TRIM37: variants seen among roughly 807,000 people sequenced by gnomAD.
The protein encoded by TRIM37 is tripartite motif containing 37, also known as E3 ubiquitin-protein ligase TRIM37.
A neutral mutation model predicts 129.8 loss-of-function variants in TRIM37; 80 were observed. The ratio of observed to expected loss-of-function variants is 0.62; its 90% CI spans 0.51 to 0.74. The LOEUF is 0.74. TRIM37 is among the 30% of genes least tolerant of loss of function. TRIM37 has a pLI of 0.00. For synonymous variants in TRIM37, 389 were observed against 387.1 expected (o/e 1.00, Z -0.06); for missense variants, 1,054 against 1,176.5 (o/e 0.90, Z 1.52).
intron 2 of TRIM37, among the ~76,000 whole-genome samples, chr17:59,093,831 G>A (rs2044618274): frequency 6.6e-6 from 1 of 152,042 alleles, no homozygotes. Flanking sequence ...CCTTTCCCAG[G>A]CTATAGTGAG....
At chr17:58,980,925 C>T (rs2031320392), downstream of TRIM37, 1 of 1,614,118 alleles carries the variant, frequency 6.2e-7, no homozygotes, top group Non-Finnish European at 8.5e-7. The surrounding 1 kb of genome is among the most constrained non-coding windows in gnomAD (Gnocchi z 4.7). Context: ...AGTTCTCTGC[C>T]ATGGAGGCAA....
At chr17:59,066,958 G>A (rs2041963109) in intron 9 of TRIM37, among the ~76,000 whole-genome samples, 1 of 152,212 alleles carries the variant, frequency 6.6e-6, no homozygotes, top group East Asian at 1.9e-4. Flanking sequence ...TGGCAGATTC[G>A]TAGAGTTGGA....
intron 2 of TRIM37, among the ~76,000 whole-genome samples, chr17:59,096,212 T>A (rs2044844483): frequency 6.6e-6 from 1 of 151,442 alleles, no homozygotes; most frequent in South Asian, 2.1e-4. Flanking sequence ...AGATGGTAAA[T>A]AAAATTACTG....
chr17:59,080,510 G>A (rs562010629), intron 6 of TRIM37, among the ~76,000 whole-genome samples: 2 of 152,100 alleles, frequency 1.3e-5, no homozygotes, highest in East Asian at 3.9e-4. Flanking sequence ...TAAATTATTG[G>A]GGCCAGGCAC....
rs1384198261 is a variant in TRIM37, at chr17:59,012,354, T to G, written c.2669A>C (p.Glu890Ala). 1 of 1,613,004 alleles carries G rather than the reference T, an allele frequency of 6.2e-7. No individual in the cohort carries two copies. The highest frequency in any genetic ancestry group is 1.1e-5 in the South Asian group (1 of 91,062). Residue 890 changes from glutamate (E) to alanine (A), a missense_variant, in exon 22 of 24, where the codon GAA (glutamate) becomes GCA (alanine). Around this residue, in one of 3 missense-constraint regions of TRIM37, gnomAD observed 287 missense variants for 274.3 expected, o/e 1.05. Transcript: ENST00000262294. ...TTCTTCAGGGGCAGCTGAAGCTCCT[T>G]CAGGTAGTACAGGCTGTAACTCTCC... Reference protein sequence around the residue: ...ETGELQPVLPEGASAAPEEGM... With the variant: ...ETGELQPVLPAGASAAPEEGM...
the TRIM37 span, chr17:58,969,723 G>C: frequency 6.2e-7 from 1 of 1,613,972 alleles, no homozygotes; most frequent in Non-Finnish European, 8.5e-7. Flanking sequence ...AAAGCAGCCA[G>C]GGAGGTATGC....
intron 15 of TRIM37, among the ~76,000 whole-genome samples, chr17:59,048,950 A>G (rs926677123): frequency 6.6e-6 from 1 of 152,246 alleles, no homozygotes; most frequent in African/African-American, 2.4e-5. Flanking sequence ...TAAAATGTGT[A>G]TCACGGTTTG....
In TRIM37 at chr17:58,998,598, GAAGAA is replaced by G. The variant is rs759412339; in HGVS notation, c.*774_*778del. 5.1e-6 allele frequency: 5 copies of G among 985,300 alleles called. No homozygotes were observed. The highest frequency in any genetic ancestry group is 6.0e-6 in the Non-Finnish European group (5 of 829,896). 61.0% of individuals were successfully genotyped at this position (985,300 alleles called of 1,614,324 possible). Reference sequence around the variant, plus strand: ...TCAATGTACAACTAATGAAAATAAAGAAGAAAAGGGGGCTTTAAAATATTTGTTGC... The same window carrying G: ...TCAATGTACAACTAATGAAAATAAAGAAGGGGGCTTTAAAATATTTGTTGC... On this transcript the variant is annotated 3_prime_UTR_variant, in exon 24 of 24. Coordinates refer to ENST00000262294, the MANE Select transcript of TRIM37 (RefSeq NM_015294.6).
chr17:59,012,507 CT>C (rs1365541718), intron 21 of TRIM37, 61 bp from the exon 22 acceptor site: 13 of 1,177,484 alleles, frequency 1.1e-5, no homozygotes, highest in East Asian at 9.3e-5. Context: ...TCTATATTTT[CT>C]TTTTGAACTG....
At chr17:59,070,765 A>G in intron 9 of TRIM37, 58 bp downstream of exon 9, 1 of 1,558,546 alleles carries the variant, frequency 6.4e-7, no homozygotes, top group Non-Finnish European at 8.8e-7. Flanking sequence ...TTTTGAAACA[A>G]GTATATGCAT....
At chr17:58,982,544 C>A, downstream of TRIM37, 1 of 225,960 alleles carries the variant, frequency 4.4e-6, no homozygotes, top group Admixed American at 5.2e-5. Context: ...AGGCCCATAA[C>A]AGAGGACTAA....
chr17:59,014,588 G>T (rs1408264361), intron 21 of TRIM37, among the ~76,000 whole-genome samples: 2 of 151,850 alleles, frequency 1.3e-5, no homozygotes, highest in Non-Finnish European at 2.9e-5. Context: ...GAAGAAAGAT[G>T]AGATAAAAGC....
At chr17:59,020,111 A>G (rs1411869290) in intron 19 of TRIM37, among the ~76,000 whole-genome samples, 1 of 151,106 alleles carries the variant, frequency 6.6e-6, no homozygotes, top group African/African-American at 2.4e-5. Context: ...CACACCTGTA[A>G]TCCCAGCTAC....
chr17:59,097,497 G>A (rs1369315040), intron 2 of TRIM37, among the ~76,000 whole-genome samples: 2 of 151,624 alleles, frequency 1.3e-5, no homozygotes, highest in Admixed American at 6.6e-5. Flanking sequence ...ATCTAAAAAC[G>A]AAATTAAGAA....
intron 7 of TRIM37, among the ~76,000 whole-genome samples, chr17:59,077,809 C>CAA (rs36007655): frequency 0.34 from 24,151 of 71,068 alleles, 4,196 homozygotes; most frequent in Middle Eastern, 0.48. Context: ...GACTCCATCT[C>CAA]AAAAAAAAAA....
intron 5 of TRIM37, among the ~76,000 whole-genome samples, chr17:59,083,584 T>A (rs577168462): frequency 3.9e-5 from 6 of 152,134 alleles, no homozygotes; most frequent in Middle Eastern, 6.8e-3. Context: ...AAAAATAATC[T>A]AAAAAATAAA....
chr17:59,083,932 CTATCTGAAT>C, intron 5 of TRIM37, 61 bp downstream of exon 5: 1 of 1,238,130 alleles, frequency 8.1e-7, no homozygotes, highest in Middle Eastern at 1.9e-4. Flanking sequence ...ACACTATTTT[CTATCTGAAT>C]AAGTATTTCA....
At chr17:59,090,982 T>G (rs1290117901) in intron 3 of TRIM37, among the ~76,000 whole-genome samples, 2 of 152,130 alleles carry the variant, frequency 1.3e-5, no homozygotes, top group African/African-American at 4.8e-5. Flanking sequence ...TGCTTAATTA[T>G]AAAAGATAAA....
At chr17:59,036,537 C>T (rs770512337) in intron 17 of TRIM37, among the ~76,000 whole-genome samples, 3 of 150,700 alleles carry the variant, frequency 2.0e-5, no homozygotes, top group East Asian at 2.0e-4. Flanking sequence ...GGCTGGAGTA[C>T]GGTGGCAGAA....
Sources: allele counts gnomAD v4.1 joint callset (sites outside exome capture counted in the v4.1 genomes callset), GRCh38; gene constraint gnomAD v4.1.1; regional missense constraint gnomAD v4.1.1; non-coding constraint Gnocchi (gnomAD v3.1); transcripts MANE v1.5; gene names NCBI Gene and HGNC (gene_info 2026-07-23, HGNC 2026-07-21).